KANSL1L: variants seen among roughly 807,000 people sequenced by gnomAD.
The protein encoded by KANSL1L is KAT8 regulatory NSL complex subunit 1 like.
In KANSL1L, 25 loss-of-function variants were observed where a neutral mutation model predicts 108.6. That is an observed-to-expected ratio of 0.23 (90% CI 0.17 to 0.32). The LOEUF is 0.32. Among genes scored for constraint, KANSL1L ranks in the 10% least tolerant of loss-of-function variants. KANSL1L has a pLI of 1.00. For missense variants in KANSL1L, 1,137 were observed against 1,125.7 expected (o/e 1.01, Z -0.14); for synonymous variants, 405 against 395.1 (o/e 1.03, Z -0.30).
At chr2:210,156,178 T>C (rs943883632) in intron 1 of KANSL1L, among the ~76,000 whole-genome samples, 2 of 152,040 alleles carry the variant, frequency 1.3e-5, no homozygotes, top group Non-Finnish European at 2.9e-5. Flanking sequence ...ACAGACTTAA[T>C]CATACTAGTA....
Position 210,043,940 on chromosome 2 carries a change from T to C in KANSL1L, c.1920A>G (p.Ser640=). 1 of 1,580,598 alleles carries C rather than the reference T, an allele frequency of 6.3e-7. No individual in the cohort carries two copies. Among genetic ancestry groups the C allele is most frequent in the Non-Finnish European group, 8.6e-7 (1 of 1,163,320 alleles). ...AGAAATTGTTACAAGGAGGCTTACC[T>C]GATGGCAATGATAGAACAGAATGGA... ...SSFHSVLSLP[S]DVPLHFHFET... is the part of the protein sequence containing the mutation. The change falls in exon 7 of 15, where the codon TCA becomes TCG. Residue 640 remains serine (S), a splice_region_variant and synonymous_variant. Transcript: ENST00000281772.
intron 2 of KANSL1L, among the ~76,000 whole-genome samples, chr2:210,141,335 C>T (rs2095227927): frequency 6.6e-6 from 1 of 151,950 alleles, no homozygotes; most frequent in South Asian, 2.1e-4. Context: ...CCTCAAAATT[C>T]ATATGTTAAA....
intron 2 of KANSL1L, among the ~76,000 whole-genome samples, chr2:210,135,886 C>T (rs2095169469): frequency 6.6e-6 from 1 of 151,988 alleles, no homozygotes; most frequent in Admixed American, 6.6e-5. Flanking sequence ...TAAGATGAGC[C>T]TTACTGACAT....
chr2:210,070,233 T>TC (rs1288191119), intron 6 of KANSL1L, among the ~76,000 whole-genome samples: 1 of 121,786 alleles, frequency 8.2e-6, no homozygotes, highest in African/African-American at 3.2e-5. Context: ...TCTTTTTTTT[T>TC]TTTTTTTTTT....
At chr2:210,028,588 G>C (rs2125127489) in intron 11 of KANSL1L, 1 of 316,742 alleles carries the variant, frequency 3.2e-6, no homozygotes, top group East Asian at 7.2e-5. Flanking sequence ...AGATAACACT[G>C]GATAATAATA....
chr2:210,092,041 C>G (rs2094696902), intron 5 of KANSL1L, among the ~76,000 whole-genome samples: 1 of 152,196 alleles, frequency 6.6e-6, no homozygotes, highest in Non-Finnish European at 1.5e-5. Context: ...ATCCGTCTAA[C>G]TATGTTTCAA....
chr2:210,157,763 G>C (rs2095341699), intron 1 of KANSL1L, among the ~76,000 whole-genome samples: 1 of 139,436 alleles, frequency 7.2e-6, no homozygotes, highest in Non-Finnish European at 1.5e-5. Context: ...TATAATCCCA[G>C]CACTCTGGGA....
chr2:210,079,694 ATG>A (rs1407036569), intron 5 of KANSL1L: 2 of 15,782 alleles, frequency 1.3e-4, no homozygotes, highest in Non-Finnish European at 2.4e-4. Flanking sequence ...ATATATATGT[ATG>A]TGTGTATATA....
chr2:210,038,384 C>T (rs2094130589), intron 8 of KANSL1L, among the ~76,000 whole-genome samples: 1 of 151,912 alleles, frequency 6.6e-6, no homozygotes, highest in Non-Finnish European at 1.5e-5. Flanking sequence ...TTGCAGAGCT[C>T]CTCAAAAGGC....
chr2:210,122,331 T>C lies in KANSL1L; in HGVS notation c.1230+6700A>G, dbSNP rs921479782. ...AAACGGCACAGTACTGGCATAAAAATAGACACACAGACCAACAAAACAGTA... is the reference window on the plus strand; with the variant it reads ...AAACGGCACAGTACTGGCATAAAAACAGACACACAGACCAACAAAACAGTA... On this transcript the variant is annotated intron_variant, in intron 3 of 14. Transcript: ENST00000281772. 4.6e-5 allele frequency among the ~76,000 whole-genome samples: 7 copies of C among 152,138 alleles called. No individual in the cohort carries two copies. In the South Asian group the frequency reaches 6.2e-4, roughly 14 times the overall value.
At chr2:210,090,039 A>C (rs2094678706) in intron 5 of KANSL1L, among the ~76,000 whole-genome samples, 1 of 152,204 alleles carries the variant, frequency 6.6e-6, no homozygotes, top group Non-Finnish European at 1.5e-5. Flanking sequence ...TTTTTTAAAG[A>C]GTAAGAATAG....
chr2:210,145,231 C>T (rs1476849271), intron 2 of KANSL1L, among the ~76,000 whole-genome samples: 1 of 152,194 alleles, frequency 6.6e-6, no homozygotes, highest in East Asian at 1.9e-4. Flanking sequence ...CCAGTGGAAT[C>T]CCTCTTGGCA....
rs557191875 is a variant in KANSL1L, at chr2:210,039,626, TTTC to T, written c.2029+791_2029+793del. Among the ~76,000 whole-genome samples the T allele has an allele frequency of 6.6e-5, 10 of 151,998 alleles. No individual in the cohort carries two copies. In the South Asian group the frequency reaches 8.3e-4, roughly 13 times the overall value. On this transcript the variant is annotated intron_variant, in intron 8 of 14. Transcript: ENST00000281772. ...TAGATAATCAAAATATGTTGTTTTC[TTTC>T]TTCTTCTAATTGCTTCCAAGCATAG...
At chr2:210,092,449 CACTT>C (rs750484261) in intron 5 of KANSL1L, among the ~76,000 whole-genome samples, 4 of 152,270 alleles carry the variant, frequency 2.6e-5, no homozygotes, top group South Asian at 2.1e-4. Context: ...CTGCAGAAAC[CACTT>C]ACTTAGTTAT....
chr2:210,031,727 T>A (rs768957940), intron 8 of KANSL1L, among the ~76,000 whole-genome samples, 181 bp from the exon 9 acceptor site: 1 of 152,214 alleles, frequency 6.6e-6, no homozygotes, highest in African/African-American at 2.4e-5. Context: ...CAGTTTCTTA[T>A]ATTTTCTCCA....
intron 6 of KANSL1L, among the ~76,000 whole-genome samples, chr2:210,069,487 AGCACCTTACTTCCTG>A (rs1463253778): frequency 1.3e-5 from 2 of 152,200 alleles, no homozygotes; most frequent in Admixed American, 1.3e-4. Context: ...TTGTTACATC[AGCACCTTACTTCCTG>A]GCACCAAACT....
chr2:210,110,439 T>C (rs145827609), intron 3 of KANSL1L, among the ~76,000 whole-genome samples: 18 of 152,322 alleles, frequency 1.2e-4, no homozygotes, highest in African/African-American at 4.1e-4. Flanking sequence ...TAGAAACCTA[T>C]TCCTTTTCAT....
intron 6 of KANSL1L, among the ~76,000 whole-genome samples, chr2:210,074,850 T>C (rs575874752): frequency 5.9e-5 from 9 of 152,314 alleles, no homozygotes; most frequent in Admixed American, 2.6e-4. Context: ...TCCTTTGATA[T>C]ATTAAGAAAT....
chr2:210,150,895 C>T (rs544919721), intron 2 of KANSL1L, among the ~76,000 whole-genome samples: 1 of 152,118 alleles, frequency 6.6e-6, no homozygotes, highest in South Asian at 2.1e-4. Flanking sequence ...GATATATTAG[C>T]CAACTGCATA....
Sources: gnomAD v4.1 joint callset for allele counts (sites outside exome capture counted in the v4.1 genomes callset) on GRCh38, gnomAD v4.1.1 for gene constraint, MANE v1.5 for transcripts, NCBI Gene and HGNC (gene_info 2026-07-23, HGNC 2026-07-21) for gene names.